Variants in NAALADL2 observed in about 807,000 individuals in gnomAD.
The protein encoded by NAALADL2 is N-acetylated alpha-linked acidic dipeptidase like 2.
Under a neutral mutation model 87.2 loss-of-function variants are expected in NAALADL2, and 76 were observed. That is an observed-to-expected ratio of 0.87 (90% CI 0.72 to 1.05). NAALADL2 has a LOEUF of 1.05. Among genes scored for constraint, NAALADL2 ranks in the 50% least tolerant of loss-of-function variants. NAALADL2 has a pLI of 0.00. For synonymous variants in NAALADL2, 354 were observed against 331.0 expected (o/e 1.07, Z -0.75); for missense variants, 1,089 against 945.8 (o/e 1.15, Z -1.99).
In NAALADL2 at chr3:175,616,412, G is replaced by C. The variant is rs1582639495; in HGVS notation, c.1801-10879G>C. Among the ~76,000 whole-genome samples the C allele has an allele frequency of 2.0e-5, 3 of 151,906 alleles. No homozygotes were observed. The East Asian group carries it at 5.8e-4, about 29-fold the overall frequency. On this transcript the variant is annotated intron_variant, in intron 10 of 13. Transcript: ENST00000454872. ...AATCTACATATATTTACATTATTCT[G>C]AATATAAACATTAGGTTTCTGGAGC...
chr3:175,413,334 G>A (rs1421422107), intron 5 of NAALADL2, among the ~76,000 whole-genome samples: 2 of 151,050 alleles, frequency 1.3e-5, no homozygotes, highest in African/African-American at 4.9e-5. Flanking sequence ...CCTTTTGGGA[G>A]GCCGAGGAGA....
intron 10 of NAALADL2, among the ~76,000 whole-genome samples, chr3:175,618,507 T>C (rs1725673077): frequency 6.6e-6 from 1 of 152,118 alleles, no homozygotes; most frequent in South Asian, 2.1e-4. Context: ...CAAAGGAATA[T>C]AAAGCATTTT....
chr3:174,776,238 G>A (rs558642161), intron 3 of NAALADL2, among the ~76,000 whole-genome samples: 15 of 152,072 alleles, frequency 9.9e-5, no homozygotes, highest in Non-Finnish European at 1.6e-4. Context: ...AATACTCTAA[G>A]AAGTTCTGTA....
intron 2 of NAALADL2, among the ~76,000 whole-genome samples, chr3:175,197,785 G>A (rs1739238306): frequency 2.6e-5 from 4 of 151,986 alleles, no homozygotes; most frequent in African/African-American, 4.8e-5. Context: ...GAGGTGTCAG[G>A]AAGCTCTTAT....
chr3:175,227,650 GA>G (rs749260204), intron 2 of NAALADL2, among the ~76,000 whole-genome samples: 6 of 151,774 alleles, frequency 4.0e-5, no homozygotes, highest in East Asian at 3.9e-4. Context: ...TTATTGTGGG[GA>G]AAAAATGTAT....
intron 5 of NAALADL2, among the ~76,000 whole-genome samples, chr3:175,381,255 T>A (rs1767747217): frequency 6.6e-6 from 1 of 151,578 alleles, no homozygotes; most frequent in South Asian, 2.1e-4. Flanking sequence ...ATGTTTTACT[T>A]GTTTTCTATG....
In NAALADL2 at chr3:175,809,009, T is replaced by G. The variant is rs2108387964; in HGVS notation, c.*5806T>G. 6.6e-6 allele frequency: 1 copy of G among 152,164 alleles called. No homozygotes were observed. The highest frequency in any genetic ancestry group is 1.5e-5 in the Non-Finnish European group (1 of 67,982). 9.4% of individuals were successfully genotyped at this position (152,164 alleles called of 1,614,324 possible). On this transcript the variant is annotated 3_prime_UTR_variant, in exon 14 of 14. Coordinates refer to ENST00000454872, the MANE Select transcript of NAALADL2 (RefSeq NM_207015.3). ...TGGTCATTACTTGGTAAGTGTTTTA[T>G]ATTTTGAATTTCTTAGATGCTTTCA...
intron 5 of NAALADL2, among the ~76,000 whole-genome samples, chr3:175,359,775 C>A (rs12497934): frequency 0.27 from 40,697 of 151,802 alleles, 6,583 homozygotes; most frequent in East Asian, 0.5. Context: ...ATGGGTTTAT[C>A]TTTTATTTTT....
At chr3:174,624,620 T>A (rs1721371156) in intron 2 of NAALADL2, among the ~76,000 whole-genome samples, 1 of 91,600 alleles carries the variant, frequency 1.1e-5, no homozygotes, top group African/African-American at 5.1e-5. Flanking sequence ...CGAGACTCCA[T>A]CTCAAAAAAA....
At chr3:175,580,304 A>G (rs1719567750) in intron 10 of NAALADL2, among the ~76,000 whole-genome samples, 2 of 152,152 alleles carry the variant, frequency 1.3e-5, no homozygotes, top group African/African-American at 2.4e-5. Context: ...TAATAAAAGT[A>G]GTTCATTTGT....
At chr3:175,311,840 A>G (rs1208933099) in intron 4 of NAALADL2, among the ~76,000 whole-genome samples, 2 of 152,038 alleles carry the variant, frequency 1.3e-5, no homozygotes, top group Non-Finnish European at 2.9e-5. Flanking sequence ...TTTTTCCTTT[A>G]CAAAAGCAGG....
intron 1 of NAALADL2, among the ~76,000 whole-genome samples, chr3:175,065,942 CG>C (rs1714457279): frequency 3.9e-5 from 6 of 152,258 alleles, no homozygotes; most frequent in Admixed American, 3.9e-4. Flanking sequence ...TCTCACATAA[CG>C]GTATTCGGTC....
chr3:175,055,814 T>G (rs549389567), intron 1 of NAALADL2, among the ~76,000 whole-genome samples: 1 of 152,336 alleles, frequency 6.6e-6, no homozygotes, highest in South Asian at 2.1e-4. Flanking sequence ...ACAAAGTATT[T>G]CCTTTATCCA....
At chr3:174,490,615 A>G (rs1009524632) in intron 1 of NAALADL2, among the ~76,000 whole-genome samples, 1 of 152,162 alleles carries the variant, frequency 6.6e-6, no homozygotes, top group African/African-American at 2.4e-5. Context: ...TTTAAATGAA[A>G]GCGGCAGTGT....
chr3:175,521,931 T>C (rs1732714239), intron 9 of NAALADL2, among the ~76,000 whole-genome samples: 1 of 152,194 alleles, frequency 6.6e-6, no homozygotes, highest in Non-Finnish European at 1.5e-5. Flanking sequence ...TAGATTTTTA[T>C]TAAATAGGAA....
At chr3:175,369,297 T>C (rs1291946301) in intron 5 of NAALADL2, among the ~76,000 whole-genome samples, 1 of 152,132 alleles carries the variant, frequency 6.6e-6, no homozygotes, top group Non-Finnish European at 1.5e-5. Flanking sequence ...GATATGTGCA[T>C]GTGTAATTAT....
rs140488076 is a variant in NAALADL2, at chr3:175,206,535, A to C, written c.546-27396A>C. Reference sequence around the variant, plus strand: ...CCATGAGGACACATAAGAGTGAGACAATGGACTGTGGGGACTTGGTGGGGA... The same window carrying C: ...CCATGAGGACACATAAGAGTGAGACCATGGACTGTGGGGACTTGGTGGGGA... On this transcript the variant is annotated intron_variant, in intron 2 of 13. Coordinates refer to ENST00000454872, the MANE Select transcript of NAALADL2 (RefSeq NM_207015.3). Among the ~76,000 whole-genome samples the C allele has an allele frequency of 5.1e-3, 770 of 151,274 alleles. 6 individuals carry two copies. The highest frequency in any genetic ancestry group is 5.6e-3 in the Non-Finnish European group (382 of 67,864).
intron 5 of NAALADL2, among the ~76,000 whole-genome samples, chr3:175,351,785 G>T (rs543955821): frequency 2.0e-5 from 3 of 152,156 alleles, no homozygotes; most frequent in African/African-American, 7.2e-5. Context: ...GAGAGGAAGG[G>T]AGGGGAAAAT....
intron 9 of NAALADL2, among the ~76,000 whole-genome samples, chr3:175,489,310 T>G (rs1041765280): frequency 2.6e-5 from 4 of 152,194 alleles, no homozygotes; most frequent in African/African-American, 9.7e-5. Flanking sequence ...TTTTATTATT[T>G]TATATTTGGT....
Sources: allele counts gnomAD v4.1 joint callset (sites outside exome capture counted in the v4.1 genomes callset), GRCh38; gene constraint gnomAD v4.1.1; transcripts MANE v1.5; gene names NCBI Gene and HGNC (gene_info 2026-07-23, HGNC 2026-07-21).